GOSR1: variants seen among roughly 807,000 people sequenced by gnomAD.
The protein encoded by GOSR1 is golgi SNAP receptor complex member 1, also known as 28 kDa Golgi SNARE protein.
GOSR1 carries 21 observed loss-of-function variants against 35.5 expected under a neutral mutation model. The observed-to-expected ratio is 0.59, with a 90% confidence interval of 0.42 to 0.85. The LOEUF is 0.85. Among genes scored for constraint, GOSR1 ranks in the 40% least tolerant of loss-of-function variants. The pLI is 0.00. For synonymous variants in GOSR1, 94 were observed against 106.6 expected, an observed-to-expected ratio of 0.88 and a Z score of 0.73; for missense variants, 285 against 309.6, an observed-to-expected ratio of 0.92 and a Z score of 0.60.
At chr17:30,492,456 C>T (rs1325325991) in intron 5 of GOSR1, among the ~76,000 whole-genome samples, 1 of 152,218 alleles carries the variant, frequency 6.6e-6, no homozygotes, top group Non-Finnish European at 1.5e-5. Context: ...TGGTGAAAAA[C>T]AGTAAACTGT....
At chr17:30,512,775 T>C (rs1287560731) in intron 7 of GOSR1, among the ~76,000 whole-genome samples, 1 of 152,218 alleles carries the variant, frequency 6.6e-6, no homozygotes, top group Non-Finnish European at 1.5e-5. Context: ...CCTTTTTCTT[T>C]TTTCCTTTAT....
chr17:30,516,740 G>A (rs1232898875), intron 7 of GOSR1, among the ~76,000 whole-genome samples: 8 of 151,926 alleles, frequency 5.3e-5, no homozygotes, highest in Non-Finnish European at 1.0e-4. Flanking sequence ...TTGAGACTGC[G>A]TCTTGTGTTG....
rs1221508269 is a variant in GOSR1 at position 30,527,388 on chromosome 17, G to A, written c.*5010G>A. 2 of 152,166 alleles carry A rather than the reference G, an allele frequency of 1.3e-5. No homozygotes were observed. The highest frequency in any genetic ancestry group is 4.8e-5 in the African/African-American group (2 of 41,422). 9.4% of individuals were successfully genotyped at this position (152,166 alleles called of 1,614,324 possible). A position where few individuals can be genotyped will look rare whatever the true frequency, so the allele number is the denominator to read the frequency against. On this transcript the variant is annotated 3_prime_UTR_variant, in exon 9 of 9. Coordinates refer to ENST00000451249, the MANE Select transcript of GOSR1 (RefSeq NM_001007025.2). ...TTTTTTAAAAATCGTGTACTGCTGG[G>A]CTTTAGTACATTAGTTGTGCAACCA...
chr17:30,509,678 T>C (rs1253235658), intron 6 of GOSR1, among the ~76,000 whole-genome samples: 2 of 152,212 alleles, frequency 1.3e-5, no homozygotes, highest in Non-Finnish European at 2.9e-5. Flanking sequence ...CATTTCTCCC[T>C]AAAATGGCTT....
rs1365179778 is a variant in GOSR1 at position 30,523,146 on chromosome 17, G to T, written c.*768G>T. ...GTGCCGAGATTGCAGCCTCTGCCCG[G>T]CCGCCACCCCGTCTGGAAAGTGAGG... On this transcript the variant is annotated 3_prime_UTR_variant, in exon 9 of 9. Transcript: ENST00000451249. The T allele has an allele frequency of 2.6e-5, 5 of 191,994 alleles. No individual in the cohort carries two copies. The highest frequency in any genetic ancestry group is 4.8e-5 in the African/African-American group (2 of 41,780). The allele number at this position is 191,994 out of a possible 1,614,324, so 11.9% of individuals were successfully genotyped here. A position where few individuals can be genotyped will look rare whatever the true frequency, so the allele number is the denominator to read the frequency against.
intron 7 of GOSR1, among the ~76,000 whole-genome samples, chr17:30,514,410 G>C (rs1316838964): frequency 6.6e-6 from 1 of 152,176 alleles, no homozygotes; most frequent in Non-Finnish European, 1.5e-5. Flanking sequence ...TCCTGAGAAA[G>C]AACAGGAGGT....
rs776943752 is a variant in GOSR1 at position 30,522,368 on chromosome 17, C to A, written c.737C>A (p.Ala246Glu). ...GICTILLLLYAFH is the reference protein window; with the variant it reads ...GICTILLLLYEFH ...TGTACCATCCTGTTGCTGCTGTATG[C>A]GTTCCATTGATGGGACATCTTCAGG... Residue 246 changes from alanine to glutamate, a missense_variant, in exon 9 of 9, where the codon GCG (alanine) becomes GAG (glutamate). Around this residue, in one of 3 missense-constraint regions of GOSR1, gnomAD observed 168 missense variants for 183.2 expected, o/e 0.92. Transcript: ENST00000451249. 2 of 1,581,272 alleles carry A rather than the reference C, an allele frequency of 1.3e-6. No homozygotes were observed.
In GOSR1 at chr17:30,477,410, C is replaced by T; in HGVS notation, c.-24C>T. 2.5e-6 allele frequency: 4 copies of T among 1,607,020 alleles called. No homozygotes were observed. The highest frequency in any genetic ancestry group is 3.4e-6 in the Non-Finnish European group (4 of 1,175,624). ...GCCTGCATCGCCTCTGCTCCCCTAT[C>T]CCGGCTGACGTTGGACGACAAAGAT... On this transcript the variant is annotated 5_prime_UTR_variant, in exon 1 of 9. Coordinates refer to ENST00000451249, the MANE Select transcript of GOSR1 (RefSeq NM_001007025.2).
intron 6 of GOSR1, among the ~76,000 whole-genome samples, chr17:30,509,133 G>A (rs1332669951): frequency 6.6e-6 from 1 of 152,078 alleles, no homozygotes; most frequent in Non-Finnish European, 1.5e-5. Context: ...CCGCCACCAT[G>A]CCCAGCTAAT....
intron 6 of GOSR1, among the ~76,000 whole-genome samples, chr17:30,505,824 G>A (rs573126258): frequency 1.3e-5 from 2 of 152,222 alleles, no homozygotes; most frequent in South Asian, 4.2e-4. Flanking sequence ...CACCTTGTGG[G>A]CTCAAGCAAT....
Position 30,522,364 on chromosome 17 carries a change from T to C in GOSR1, c.733T>C (p.Tyr245His). ...IGICTILLLLYAFH is the reference protein window; with the variant it reads ...IGICTILLLLHAFH The stretch of plus-strand genomic sequence containing the variant: ...GATCTGTACCATCCTGTTGCTGCTG[T>C]ATGCGTTCCATTGATGGGACATCTT... Residue 245 changes from tyrosine to histidine, a missense_variant, in exon 9 of 9, where the codon TAT becomes CAT. Tyr to His is a moderately conservative substitution (Grantham distance 83, BLOSUM62 2). Transcript: ENST00000451249. 6.3e-7 allele frequency: 1 copy of C among 1,585,110 alleles called. No homozygotes were observed. Among genetic ancestry groups the C allele is most frequent in the Non-Finnish European group, 8.6e-7 (1 of 1,165,576 alleles).
intron 6 of GOSR1, among the ~76,000 whole-genome samples, chr17:30,503,820 G>A (rs1356787633): frequency 2.0e-5 from 3 of 152,164 alleles, no homozygotes; most frequent in East Asian, 3.8e-4. Context: ...TGTCAGCATC[G>A]TCTTCCTGTA....
intron 6 of GOSR1, among the ~76,000 whole-genome samples, chr17:30,495,187 C>CAAAA (rs11369569): frequency 7.4e-5 from 6 of 81,288 alleles, no homozygotes; most frequent in South Asian, 4.9e-4. Context: ...GACTCCGGCT[C>CAAAA]AAAAAAAAAA....
At chr17:30,483,393 G>C (rs1038177071) in intron 2 of GOSR1, among the ~76,000 whole-genome samples, 2 of 152,142 alleles carry the variant, frequency 1.3e-5, no homozygotes, top group African/African-American at 4.8e-5. Context: ...CTGTATACTA[G>C]GTGCTAGGCA....
At chr17:30,510,695 CAG>C in intron 6 of GOSR1, 183 bp from the exon 7 acceptor site, 1 of 424,966 alleles carries the variant, frequency 2.4e-6, no homozygotes, top group South Asian at 3.8e-5. Flanking sequence ...GCCCAGGTGA[CAG>C]AGCGAGACTC....
At chr17:30,479,347 C>A (rs940357830) in intron 1 of GOSR1, 2 of 152,224 alleles carry the variant, frequency 1.3e-5, no homozygotes, top group African/African-American at 4.8e-5. Context: ...TGTCACGCAA[C>A]CCTTAGATGC....
Position 30,484,716 on chromosome 17 carries a change from C to G in GOSR1, c.288C>G (p.Pro96=). 6.2e-7 allele frequency: 1 copy of G among 1,601,800 alleles called. No homozygotes were observed. Among genetic ancestry groups the G allele is most frequent in the East Asian group, 2.2e-5 (1 of 44,804 alleles). ...AATATACCAACAGTGCAGGTGTCCC[C>G]TCCTTGAATGCAGCCCTGATGCATA... The part of the protein sequence containing the change: ...MAEYTNSAGV[P]SLNAALMHTL... The change falls in exon 4 of 9, where the codon CCC becomes CCG. Residue 96 remains proline (P), a synonymous_variant. Coordinates refer to ENST00000451249, the MANE Select transcript of GOSR1 (RefSeq NM_001007025.2).
chr17:30,493,077 G>A (rs570200102), intron 6 of GOSR1, among the ~76,000 whole-genome samples: 117 of 150,968 alleles, frequency 7.7e-4, no homozygotes, highest in Non-Finnish European at 1.2e-3. Context: ...CACTGCAGCC[G>A]CTTGCCTCCC....
rs1253275713 is a variant in GOSR1 at position 30,526,630 on chromosome 17, A to G, written c.*4252A>G. 2 of 152,654 alleles carry G rather than the reference A, an allele frequency of 1.3e-5. No homozygotes were observed. Among genetic ancestry groups the G allele is most frequent in the Non-Finnish European group, 2.9e-5 (2 of 68,040 alleles). 9.5% of individuals were successfully genotyped at this position (152,654 alleles called of 1,614,324 possible). On this transcript the variant is annotated 3_prime_UTR_variant, in exon 9 of 9. Transcript: ENST00000451249. ...GATGTTTCCTCTTGAAAAAATGCCA[A>G]TACAGATTTTTAAAACCTATTGTTT...
Sources: allele counts gnomAD v4.1 joint callset (sites outside exome capture counted in the v4.1 genomes callset), GRCh38; gene constraint gnomAD v4.1.1; regional missense constraint gnomAD v4.1.1; transcripts MANE v1.5; gene names NCBI Gene and HGNC (gene_info 2026-07-23, HGNC 2026-07-21).